Variants in EEF2K observed in about 807,000 individuals in gnomAD.
EEF2K encodes alternative protein EEF2K.
Under a neutral mutation model 93.8 loss-of-function variants are expected in EEF2K, and 70 were observed. The ratio of observed to expected loss-of-function variants is 0.75; its 90% CI spans 0.62 to 0.91. EEF2K has a LOEUF of 0.91. EEF2K is among the 40% of genes least tolerant of loss of function. The pLI is 0.00. For missense variants in EEF2K, 935 were observed against 972.9 expected (o/e 0.96, Z 0.52); for synonymous variants, 376 against 380.8 (o/e 0.99, Z 0.15).
chr16:22,254,837 G>GT (rs2047384206), intron 6 of EEF2K, among the ~76,000 whole-genome samples: 2 of 152,010 alleles, frequency 1.3e-5, no homozygotes, highest in South Asian at 4.2e-4. Flanking sequence ...AAAGCCCGGG[G>GT]TGGGGGGGCG....
intron 16 of EEF2K, among the ~76,000 whole-genome samples, chr16:22,274,064 G>C (rs780036010): frequency 5.9e-5 from 9 of 152,156 alleles, no homozygotes; most frequent in African/African-American, 1.2e-4. Flanking sequence ...CCAGTACTTT[G>C]GGAGGCCAAG....
chr16:22,263,745 G>A (rs1021861015), intron 12 of EEF2K, among the ~76,000 whole-genome samples: 54 of 152,234 alleles, frequency 3.5e-4, no homozygotes, highest in African/African-American at 1.1e-3. Context: ...TTATGGTGAA[G>A]TGGGAGTCCT....
At chr16:22,244,832 G>C (rs557860899) in intron 3 of EEF2K, 102 bp downstream of exon 3, 2 of 1,218,922 alleles carry the variant, frequency 1.6e-6, no homozygotes, top group South Asian at 2.6e-5. Flanking sequence ...CAGGGGAAGG[G>C]AGTAATCATA....
chr16:22,255,082 G>A (rs11074509), intron 6 of EEF2K, among the ~76,000 whole-genome samples: 16,734 of 152,060 alleles, frequency 0.11, 975 homozygotes, highest in South Asian at 0.13. Context: ...AAAATAAAAT[G>A]AAAGCAAACA....
At chr16:22,265,831 A>G (rs1279967101) in intron 13 of EEF2K, among the ~76,000 whole-genome samples, 1 of 152,172 alleles carries the variant, frequency 6.6e-6, no homozygotes, top group Non-Finnish European at 1.5e-5. Flanking sequence ...GATGTTGCTC[A>G]TGTCGTTGTG....
At chr16:22,255,829 G>A (rs944657891) in intron 6 of EEF2K, among the ~76,000 whole-genome samples, 1 of 152,050 alleles carries the variant, frequency 6.6e-6, no homozygotes, top group East Asian at 1.9e-4. Context: ...AGGATCACTT[G>A]AGCCCAGAAG....
intron 2 of EEF2K, among the ~76,000 whole-genome samples, chr16:22,234,153 C>T (rs878934679): frequency 1.3e-5 from 2 of 152,164 alleles, no homozygotes; most frequent in Non-Finnish European, 2.9e-5. Context: ...TAGGTGTTGT[C>T]GGTTGCTCCT....
chr16:22,247,036 T>A, intron 3 of EEF2K, among the ~76,000 whole-genome samples: 2 of 18,262 alleles, frequency 1.1e-4, no homozygotes, highest in Non-Finnish European at 1.9e-4. Context: ...AGACTCCATC[T>A]CAAAAAAAAA....
chr16:22,245,226 C>G (rs548796047), intron 3 of EEF2K, among the ~76,000 whole-genome samples: 15 of 152,274 alleles, frequency 9.9e-5, no homozygotes, highest in African/African-American at 3.4e-4. Context: ...TGATATAGCA[C>G]TGCTGCACTC....
chr16:22,273,959 C>T (rs924098407), intron 16 of EEF2K, among the ~76,000 whole-genome samples: 6 of 152,168 alleles, frequency 3.9e-5, no homozygotes, highest in African/African-American at 1.4e-4. Flanking sequence ...GGGGTTGTCC[C>T]ATGAAGGGTA....
In EEF2K at chr16:22,225,946, G is replaced by A. The variant is rs183827430; in HGVS notation, c.217G>A (p.Gly73Arg). The change falls in exon 2 of 18, where the codon GGG (glycine) becomes AGG (arginine). Residue 73 changes from glycine (G) to arginine (R), a missense_variant. Gly to Arg is a moderately radical substitution (Grantham distance 125). Coordinates refer to ENST00000263026, the MANE Select transcript of EEF2K (RefSeq NM_013302.5). ...AAAAAGTGAGCGGTATAGCTCCAGC[G>A]GGTCCCCGGCAAACTCCTTCCACTT... ...LTKSERYSSS[G>R]SPANSFHFKE... The A allele has an allele frequency of 1.1e-5, 17 of 1,614,106 alleles. No homozygotes were observed. In the East Asian group the frequency reaches 2.9e-4, roughly 28 times the overall value.
At chr16:22,282,459 A>G (rs553528375) in intron 17 of EEF2K, among the ~76,000 whole-genome samples, 1 of 152,200 alleles carries the variant, frequency 6.6e-6, no homozygotes, top group Non-Finnish European at 1.5e-5. Flanking sequence ...ACAGGCTGCT[A>G]GAATATGAAC....
intron 2 of EEF2K, among the ~76,000 whole-genome samples, chr16:22,231,160 C>A (rs1455246599): frequency 6.6e-6 from 1 of 151,794 alleles, no homozygotes; most frequent in African/African-American, 2.4e-5. Flanking sequence ...GCAATCTCGG[C>A]TCACTGCAAC....
chr16:22,244,876 T>A, intron 3 of EEF2K, 146 bp downstream of exon 3: 2 of 773,876 alleles, frequency 2.6e-6, no homozygotes, highest in Non-Finnish European at 2.1e-6. Context: ...AATGCGTGCT[T>A]AAGGCCCGGT....
rs375956552 is a variant in EEF2K at position 22,217,594 on chromosome 16, C to T, written c.-76-8060C>T. Among the ~76,000 whole-genome samples the T allele has an allele frequency of 3.9e-5, 6 of 152,036 alleles. No individual in the cohort carries two copies. The South Asian group carries it at 6.2e-4, about 16-fold the overall frequency. ...GAGTAGCTGGGATTACTGGGATTAC[C>T]GGCTCGTGCCACCATGCCCCGCTAA... is the stretch of plus-strand genomic sequence containing the variant. On this transcript the variant is annotated intron_variant, in intron 1 of 17. Transcript: ENST00000263026.
intron 1 of EEF2K, among the ~76,000 whole-genome samples, chr16:22,218,759 A>G (rs982177464): frequency 1.3e-5 from 2 of 152,090 alleles, no homozygotes; most frequent in Non-Finnish European, 2.9e-5. Flanking sequence ...GTGAAGTCAC[A>G]TAGCCAGTTA....
chr16:22,243,443 G>C (rs1244132329), intron 2 of EEF2K, among the ~76,000 whole-genome samples: 1 of 151,370 alleles, frequency 6.6e-6, no homozygotes, highest in Non-Finnish European at 1.5e-5. Context: ...GTAGAGACAG[G>C]GTTTCACCGT....
intron 15 of EEF2K, 112 bp from the exon 16 acceptor site, chr16:22,273,514 C>T: frequency 2.7e-6 from 4 of 1,497,658 alleles, no homozygotes; most frequent in Non-Finnish European, 3.6e-6. Context: ...CTATAGCCTC[C>T]CAACCCGGAG....
rs2047760300 is a variant in EEF2K, at chr16:22,287,073, C to T, written c.*3077C>T. 6.6e-6 allele frequency: 1 copy of T among 152,270 alleles called. No homozygotes were observed. Among genetic ancestry groups the T allele is most frequent in the Admixed American group, 6.5e-5 (1 of 15,282 alleles). The allele number at this position is 152,270 out of a possible 1,614,324, so 9.4% of individuals were successfully genotyped here. A position where few individuals can be genotyped will look rare whatever the true frequency, so the allele number is the denominator to read the frequency against. The stretch of plus-strand genomic sequence containing the variant: ...TTCTGAGCTAGGAGAACTTATTCCA[C>T]CTTCAAAACCTAGTTTGGGCTGGGT... On this transcript the variant is annotated 3_prime_UTR_variant, in exon 18 of 18. Transcript: ENST00000263026.
Sources: gnomAD v4.1 joint callset for allele counts (sites outside exome capture counted in the v4.1 genomes callset) on GRCh38, gnomAD v4.1.1 for gene constraint, MANE v1.5 for transcripts, NCBI Gene and HGNC (gene_info 2026-07-23, HGNC 2026-07-21) for gene names.